Variants in PCDH15 observed in about 807,000 individuals in gnomAD.
PCDH15 encodes the protein protocadherin-15.
PCDH15 carries 129 observed loss-of-function variants against 178.5 expected under a neutral mutation model. The observed-to-expected ratio is 0.72, with a 90% CI of 0.63 to 0.84. The LOEUF (loss-of-function observed/expected upper bound fraction) is 0.84, where lower values mean the gene tolerates loss of function less well. PCDH15 is among the 40% of genes least tolerant of loss of function. PCDH15 has a pLI of 0.00. For synonymous variants in PCDH15, 800 were observed against 732.0 expected (o/e 1.09, Z -1.50); for missense variants, 2,230 against 2,099.9 (o/e 1.06, Z -1.21).
intron 28 of PCDH15, among the ~76,000 whole-genome samples, chr10:53,849,612 C>A (rs2078211384): frequency 1.3e-5 from 2 of 151,906 alleles, no homozygotes; most frequent in South Asian, 4.1e-4. Context: ...TGCCTGTAAT[C>A]CCAGCACTTT....
At chr10:53,968,274 C>A (rs968869352) in intron 21 of PCDH15, among the ~76,000 whole-genome samples, 6 of 152,154 alleles carry the variant, frequency 3.9e-5, no homozygotes, top group African/African-American at 1.4e-4. Flanking sequence ...AGTCTGAGAT[C>A]GAACTGCAAG....
chr10:54,475,869 GCCA>G (rs1475712726), intron 3 of PCDH15, among the ~76,000 whole-genome samples: 2 of 150,590 alleles, frequency 1.3e-5, no homozygotes, highest in African/African-American at 4.9e-5. Flanking sequence ...TTCCCCCAAG[GCCA>G]GGCCTTAACC....
intron 8 of PCDH15, among the ~76,000 whole-genome samples, chr10:54,252,945 T>C (rs184175229): frequency 6.6e-6 from 1 of 152,198 alleles, no homozygotes; most frequent in East Asian, 1.9e-4. Flanking sequence ...GTTAGTGCCT[T>C]ACTTGGTGCC....
chr10:54,593,048 G>A (rs902936072), intron 2 of PCDH15, among the ~76,000 whole-genome samples: 2 of 151,932 alleles, frequency 1.3e-5, no homozygotes, highest in African/African-American at 4.8e-5. Flanking sequence ...TTTCTATTGA[G>A]TTTTGTGAAC....
intron 21 of PCDH15, among the ~76,000 whole-genome samples, chr10:53,984,191 C>T (rs2090931421): frequency 7.9e-6 from 1 of 127,050 alleles, no homozygotes; most frequent in African/African-American, 3.2e-5. Flanking sequence ...GCTCTGTCCT[C>T]CATGCTTGAG....
chr10:54,327,876 G>T (rs888124082), intron 7 of PCDH15, among the ~76,000 whole-genome samples: 7 of 151,972 alleles, frequency 4.6e-5, no homozygotes, highest in Non-Finnish European at 7.4e-5. Flanking sequence ...TGAGAGGAAG[G>T]TATATACACC....
chr10:55,437,469 C>T (rs1289785699), intron 2 of PCDH15, among the ~76,000 whole-genome samples: 9 of 151,812 alleles, frequency 5.9e-5, no homozygotes, highest in Non-Finnish European at 1.5e-5. Context: ...GGTTCAAGCT[C>T]ACAGTTTTGG....
At chr10:55,271,668 C>T (rs1385902112) in intron 1 of PCDH15, among the ~76,000 whole-genome samples, 3 of 152,012 alleles carry the variant, frequency 2.0e-5, no homozygotes, top group South Asian at 2.1e-4. Flanking sequence ...GTGGTCACTC[C>T]TGTACTCATC....
At chr10:54,049,133 T>C (rs1175992484) in intron 18 of PCDH15, among the ~76,000 whole-genome samples, 4 of 152,194 alleles carry the variant, frequency 2.6e-5, no homozygotes, top group African/African-American at 7.2e-5. Context: ...CTTGTGACTA[T>C]TGTAAATGTA....
intron 17 of PCDH15, among the ~76,000 whole-genome samples, 173 bp from the exon 18 acceptor site, chr10:54,067,058 C>T (rs1219308434): frequency 1.3e-5 from 2 of 151,952 alleles, no homozygotes; most frequent in Non-Finnish European, 2.9e-5. Context: ...AAGAAGCTTG[C>T]AAAGAAGCTT....
At chr10:54,165,466 C>G (rs756685445) in intron 13 of PCDH15, among the ~76,000 whole-genome samples, 2 of 152,144 alleles carry the variant, frequency 1.3e-5, no homozygotes, top group Admixed American at 1.3e-4. Context: ...CATTTCTTTT[C>G]ACAGCCTGAC....
Position 54,580,064 on chromosome 10 carries a change from G to A in PCDH15, c.92-52187C>T, listed in dbSNP as rs559399685. ...ATCTAACATTACACCTATGGGAACC[G>A]GAGGAAAAGGAACAATCTAAACCTA... On this transcript the variant is annotated intron_variant, in intron 2 of 37. Coordinates refer to ENST00000644397, the MANE Select transcript of PCDH15 (RefSeq NM_001384140.1). 5.9e-5 allele frequency among the ~76,000 whole-genome samples: 9 copies of A among 151,912 alleles called. No individual in the cohort carries two copies. In the East Asian group the frequency reaches 7.8e-4, roughly 13 times the overall value.
chr10:55,336,145 A>C lies in PCDH15; in HGVS notation c.-155-169494T>G, dbSNP rs567158408. On this transcript the variant is annotated intron_variant, in intron 2 of 5. Transcript: ENST00000613346. ...ATTTGAAAAAAAAAAAAAAAAAAAA[A>C]AAAAAAAAACAGTAGAAGTTGGAAG... is the stretch of plus-strand genomic sequence containing the variant. Among the ~76,000 whole-genome samples, 16 of 150,048 alleles carry C rather than the reference A, an allele frequency of 1.1e-4. 1 individual carries two copies. The South Asian group carries it at 2.9e-3, about 28-fold the overall frequency.
chr10:54,166,301 T>C (rs1172087142), intron 13 of PCDH15, among the ~76,000 whole-genome samples: 1 of 152,230 alleles, frequency 6.6e-6, no homozygotes, highest in Admixed American at 6.5e-5. Context: ...ATTATTTCAC[T>C]GTGAAGAAGG....
chr10:55,463,971 A>AAGAAAGAAAGAG (rs1839757955), intron 2 of PCDH15, among the ~76,000 whole-genome samples: 1 of 20,162 alleles, frequency 5.0e-5, no homozygotes, highest in South Asian at 1.7e-3. Context: ...GAAAGAAAGA[A>AAGAAAGAAAGAG]AGAGAAAGAA....
intron 1 of PCDH15, among the ~76,000 whole-genome samples, chr10:55,170,736 G>A (rs1436294331): frequency 1.3e-5 from 2 of 151,982 alleles, no homozygotes; most frequent in African/African-American, 4.8e-5. Context: ...ACAAAAATTA[G>A]CTGGGCGTGG....
chr10:53,852,679 A>G (rs2078464236), intron 28 of PCDH15, among the ~76,000 whole-genome samples: 1 of 151,984 alleles, frequency 6.6e-6, no homozygotes. Context: ...TTTTCCTTTC[A>G]TCAAGTGTCC....
intron 2 of PCDH15, among the ~76,000 whole-genome samples, chr10:55,529,198 G>A (rs528696237): frequency 2.0e-5 from 3 of 152,220 alleles, no homozygotes; most frequent in Admixed American, 2.0e-4. Context: ...TCTGATGGTA[G>A]TTTCTTTTGC....
intron 14 of PCDH15, among the ~76,000 whole-genome samples, chr10:54,135,001 C>G (rs2042781341): frequency 6.6e-6 from 1 of 151,284 alleles, no homozygotes; most frequent in South Asian, 2.1e-4. Flanking sequence ...GTCAGGAGTT[C>G]AAGACCAGCA....
Sources: allele counts gnomAD v4.1 joint callset (sites outside exome capture counted in the v4.1 genomes callset), GRCh38; gene constraint gnomAD v4.1.1; transcripts MANE v1.5; gene names NCBI Gene and HGNC (gene_info 2026-07-23, HGNC 2026-07-21).